CFAP299: variants seen among roughly 807,000 people sequenced by gnomAD.
The protein encoded by CFAP299 is cilia and flagella associated protein 299, also known as cilia- and flagella-associated protein 299.
Under a neutral mutation model 27.0 loss-of-function variants are expected in CFAP299, and 21 were observed. The observed-to-expected ratio is 0.78, with a 90% CI of 0.55 to 1.12. The LOEUF (loss-of-function observed/expected upper bound fraction) is 1.12. Among genes scored for constraint, CFAP299 ranks in the 50% most tolerant of loss-of-function variants. The pLI, the probability that CFAP299 is intolerant of heterozygous loss-of-function variation, is 0.00. For missense variants in CFAP299, 310 were observed against 276.6 expected, an observed-to-expected ratio of 1.12 and a Z score of -0.86; for synonymous variants, 104 against 98.1, an observed-to-expected ratio of 1.06 and a Z score of -0.36.
chr4:80,549,420 T>C (rs2110207877), intron 2 of CFAP299, among the ~76,000 whole-genome samples: 1 of 152,300 alleles, frequency 6.6e-6, no homozygotes, highest in South Asian at 2.1e-4. Context: ...TTGGAATGTT[T>C]ACCACAACTT....
intron 3 of CFAP299, among the ~76,000 whole-genome samples, chr4:80,631,340 A>G (rs772328960): frequency 3.3e-5 from 5 of 152,212 alleles, no homozygotes; most frequent in South Asian, 2.1e-4. Flanking sequence ...TATAAATTGT[A>G]TGAGAGTCAG....
chr4:80,826,176 T>C (rs903590422), intron 3 of CFAP299, among the ~76,000 whole-genome samples: 4 of 151,770 alleles, frequency 2.6e-5, no homozygotes, highest in Non-Finnish European at 4.4e-5. Flanking sequence ...AACTTTAATA[T>C]ATCAAATGTA....
At chr4:80,898,894 A>G (rs1019994272) in intron 4 of CFAP299, among the ~76,000 whole-genome samples, 2 of 152,210 alleles carry the variant, frequency 1.3e-5, no homozygotes, top group African/African-American at 4.8e-5. Flanking sequence ...CAAAATAATC[A>G]AGAACAGCTT....
intron 1 of CFAP299, among the ~76,000 whole-genome samples, chr4:80,339,356 C>T (rs1196980466): frequency 6.6e-6 from 1 of 152,168 alleles, no homozygotes; most frequent in African/African-American, 2.4e-5. Flanking sequence ...AATTTGCTGC[C>T]ATTACCCTGA....
chr4:80,771,889 G>A (rs1305697357), intron 3 of CFAP299, among the ~76,000 whole-genome samples: 1 of 152,172 alleles, frequency 6.6e-6, no homozygotes, highest in Non-Finnish European at 1.5e-5. Flanking sequence ...ATTCCTAGCT[G>A]CAAAGCAGTC....
rs1288042840 is a variant in CFAP299, at chr4:80,335,857, C to T, written c.89C>T (p.Thr30Ile). ...GATTTCCTGGACTCGCAGATCACTA[C>T]TGTGGACTTGTACTACCTGGAGGTA... ...YEDFLDSQITTVDLYYLEDET... is the reference protein window; with the variant it reads ...YEDFLDSQITIVDLYYLEDET... The change falls in exon 1 of 6, where the codon ACT becomes ATT. Residue 30 changes from threonine (T) to isoleucine (I), a missense_variant. Thr to Ile is a moderately conservative substitution (Grantham distance 89). Transcript: ENST00000358105. 45 of 1,611,178 alleles carry T rather than the reference C, an allele frequency of 2.8e-5. No homozygotes were observed. The highest frequency in any genetic ancestry group is 3.8e-5 in the Non-Finnish European group (45 of 1,177,356).
At chr4:80,689,576 C>T (rs1393285906) in intron 3 of CFAP299, among the ~76,000 whole-genome samples, 2 of 152,256 alleles carry the variant, frequency 1.3e-5, no homozygotes, top group South Asian at 2.1e-4. Context: ...TGGTACCAGC[C>T]GATGCAAAAT....
In CFAP299 at chr4:80,846,368, A is replaced by C. The variant is rs138460410; in HGVS notation, c.334-23625A>C. On this transcript the variant is annotated intron_variant, in intron 3 of 5. Transcript: ENST00000358105. ...GCTAGACTGTGAACTCCATGAGGTC[A>C]GGGTCTTACTTTGTTCAATATTGTA... 1.2e-3 allele frequency among the ~76,000 whole-genome samples: 188 copies of C among 152,282 alleles called. 1 individual carries two copies. Among genetic ancestry groups the C allele is most frequent in the African/African-American group, 4.2e-3 (174 of 41,556 alleles).
At chr4:80,590,155 C>T (rs1487814034) in intron 3 of CFAP299, among the ~76,000 whole-genome samples, 2 of 152,018 alleles carry the variant, frequency 1.3e-5, no homozygotes, top group Non-Finnish European at 2.9e-5. Context: ...TCAAAGACAT[C>T]GTGTTCAGTT....
intron 3 of CFAP299, among the ~76,000 whole-genome samples, chr4:80,699,226 G>T (rs945256490): frequency 6.6e-6 from 1 of 152,120 alleles, no homozygotes; most frequent in African/African-American, 2.4e-5. Flanking sequence ...TGTCTCAGAT[G>T]TACTTATAAG....
chr4:80,373,074 C>A (rs1165220202), intron 2 of CFAP299, among the ~76,000 whole-genome samples: 1 of 152,110 alleles, frequency 6.6e-6, no homozygotes, highest in Non-Finnish European at 1.5e-5. Context: ...CCATGTATGA[C>A]AATCTGAATT....
intron 4 of CFAP299, among the ~76,000 whole-genome samples, chr4:80,904,875 A>G (rs1735104641): frequency 1.3e-5 from 2 of 152,222 alleles, no homozygotes; most frequent in South Asian, 2.1e-4. Context: ...AGCAGCAAAC[A>G]TGTGTCCTAA....
chr4:80,546,087 G>A (rs1310670559), intron 2 of CFAP299, among the ~76,000 whole-genome samples: 3 of 152,028 alleles, frequency 2.0e-5, no homozygotes, highest in Non-Finnish European at 2.9e-5. Context: ...GTCATTGAAG[G>A]AACATATCTC....
Position 80,904,935 on chromosome 4 carries a change from A to G in CFAP299, c.476+34800A>G, listed in dbSNP as rs1472320. ...CACATGCTTAATATGACAGAAAAAA[A>G]TTATAATTTAGAATATGAATAAAAA... On this transcript the variant is annotated intron_variant, in intron 4 of 5. Coordinates refer to ENST00000358105, the MANE Select transcript of CFAP299 (RefSeq NM_152770.3). Among the ~76,000 whole-genome samples the G allele has an allele frequency of 7.3e-3, 1,078 of 147,122 alleles. 9 individuals are homozygous for G. Among genetic ancestry groups the G allele is most frequent in the Middle Eastern group, 0.011 (3 of 282 alleles).
chr4:80,368,237 C>T (rs576957890), intron 2 of CFAP299, among the ~76,000 whole-genome samples: 5 of 152,226 alleles, frequency 3.3e-5, no homozygotes, highest in Admixed American at 6.5e-5. Flanking sequence ...TAAGGATTCA[C>T]TTGATAGGAG....
At chr4:80,397,810 C>T (rs1049830075) in intron 2 of CFAP299, among the ~76,000 whole-genome samples, 16 of 152,222 alleles carry the variant, frequency 1.1e-4, no homozygotes, top group African/African-American at 3.1e-4. Flanking sequence ...CACTCGTATT[C>T]AACATAGTGT....
intron 3 of CFAP299, among the ~76,000 whole-genome samples, chr4:80,593,361 A>G (rs1299056843): frequency 3.3e-5 from 5 of 152,182 alleles, no homozygotes; most frequent in Admixed American, 6.5e-5. Flanking sequence ...AATTTAACTG[A>G]CATTCTTTTT....
intron 2 of CFAP299, among the ~76,000 whole-genome samples, chr4:80,400,585 C>T (rs1246157431): frequency 6.6e-6 from 1 of 152,160 alleles, no homozygotes; most frequent in African/African-American, 2.4e-5. Flanking sequence ...TGCCTTTCAC[C>T]TCCCATCATG....
chr4:80,473,671 A>G (rs1730125532), intron 2 of CFAP299, among the ~76,000 whole-genome samples: 1 of 152,112 alleles, frequency 6.6e-6, no homozygotes, highest in African/African-American at 2.4e-5. Context: ...CCCAAGCTCA[A>G]GCCTTCTTCC....
Sources: gnomAD v4.1 joint callset for allele counts (sites outside exome capture counted in the v4.1 genomes callset) on GRCh38, gnomAD v4.1.1 for gene constraint, MANE v1.5 for transcripts, NCBI Gene and HGNC (gene_info 2026-07-23, HGNC 2026-07-21) for gene names.